The following NOVA1 variants were observed in gnomAD, a reference collection of about 807,000 sequenced individuals.
The protein encoded by NOVA1 is NOVA alternative splicing regulator 1.
Under a neutral mutation model 38.0 loss-of-function variants are expected in NOVA1, and 7 were observed. The observed-to-expected ratio is 0.18, with a 90% CI of 0.10 to 0.35. The LOEUF is 0.35. Ranked by LOEUF, NOVA1 falls within the 10% of genes least tolerant of loss-of-function variation. The pLI is 1.00. For missense variants in NOVA1, 460 were observed against 616.0 expected (o/e 0.75, Z 2.68); for synonymous variants, 270 against 232.5 (o/e 1.16, Z -1.47).
At chr14:26,502,253 A>G (rs532633912) in intron 2 of NOVA1, among the ~76,000 whole-genome samples, 1 of 151,962 alleles carries the variant, frequency 6.6e-6, no homozygotes, top group South Asian at 2.1e-4. Context: ...TCTGTCTTAG[A>G]ACATGAGCCT....
chr14:26,472,351 G>A lies in NOVA1; in HGVS notation c.488C>T (p.Ser163Phe). 1 of 1,583,514 alleles carries A rather than the reference G, an allele frequency of 6.3e-7. No homozygotes were observed. Among genetic ancestry groups the A allele is most frequent in the Non-Finnish European group, 8.6e-7 (1 of 1,162,098 alleles). ...AGCTCTGGAGGTGGTCATGGGATCA[G>A]ATGGAGAGGACTTGGTGGTAGTTGG... ...SSPTTTKSSP[S>F]DPMTTSRANQ... is the part of the protein sequence containing the mutation. Residue 163 changes from serine to phenylalanine, a missense_variant, in exon 4 of 5, where the codon TCT becomes TTT. Physicochemically the swap from Ser to Phe is radical, Grantham distance 155 (BLOSUM62 -2). Transcript: ENST00000539517.
intron 2 of NOVA1, among the ~76,000 whole-genome samples, chr14:26,494,509 G>A (rs1886606690): frequency 6.6e-6 from 1 of 152,222 alleles, no homozygotes; most frequent in Non-Finnish European, 1.5e-5. Context: ...CAAAATGACA[G>A]AGATACTGGT....
chr14:26,513,088 GA>G (rs1888213516), intron 2 of NOVA1, among the ~76,000 whole-genome samples: 1 of 151,888 alleles, frequency 6.6e-6, no homozygotes, highest in Non-Finnish European at 1.5e-5. Context: ...ACCATTAAAA[GA>G]CATTGGGAAA....
At chr14:26,509,778 T>G (rs1594432081) in intron 2 of NOVA1, among the ~76,000 whole-genome samples, 1 of 152,196 alleles carries the variant, frequency 6.6e-6, no homozygotes, top group East Asian at 1.9e-4. Flanking sequence ...CCTCCTGGGT[T>G]CAAGTGATTC....
intron 2 of NOVA1, among the ~76,000 whole-genome samples, chr14:26,495,635 A>G (rs1248537480): frequency 2.0e-5 from 3 of 147,960 alleles, no homozygotes; most frequent in African/African-American, 7.4e-5. Flanking sequence ...ACCCAATGCT[A>G]TCCCTACCCC....
chr14:26,469,603 C>T (rs141641639), intron 4 of NOVA1, among the ~76,000 whole-genome samples: 20 of 152,178 alleles, frequency 1.3e-4, no homozygotes, highest in Middle Eastern at 3.4e-3. Flanking sequence ...ATTTCACAGA[C>T]GGGAAAACTG....
chr14:26,500,813 T>G (rs995975478), intron 2 of NOVA1, among the ~76,000 whole-genome samples: 1 of 151,884 alleles, frequency 6.6e-6, no homozygotes, highest in African/African-American at 2.4e-5. Context: ...GTATTAAAGC[T>G]CCCAAATATT....
At chr14:26,587,221 C>T (rs1054682895) in intron 2 of NOVA1, among the ~76,000 whole-genome samples, 3 of 148,358 alleles carry the variant, frequency 2.0e-5, no homozygotes, top group Non-Finnish European at 4.5e-5. Flanking sequence ...TTCCACAACT[C>T]TATGATTTCT....
At chr14:26,532,934 T>C (rs1192376145) in intron 2 of NOVA1, among the ~76,000 whole-genome samples, 1 of 152,202 alleles carries the variant, frequency 6.6e-6, no homozygotes, top group Admixed American at 6.5e-5. Context: ...GGTTCAGAAA[T>C]CTTATTAGAA....
rs754813429 is a variant in NOVA1, at chr14:26,448,937, T to C, written c.546A>G (p.Thr182=). The C allele has an allele frequency of 1.9e-6, 3 of 1,613,364 alleles. No homozygotes were observed. The highest frequency in any genetic ancestry group is 2.5e-6 in the Non-Finnish European group (3 of 1,179,650). The change falls in exon 5 of 5, where the codon ACA becomes ACG. Residue 182 remains threonine, a synonymous_variant. Transcript: ENST00000539517. The surrounding 1 kb of genome is among the most constrained non-coding windows in gnomAD (Gnocchi z 5.3). ...CTCCCTTCCCTATTATCAGACCTGC[T>C]GTGCTGTTGGGAACTATAATCTTTA... The part of the protein sequence containing the change: ...NQVKIIVPNS[T]AGLIIGKGGA...
In NOVA1 at chr14:26,471,983, T is replaced by A. The variant is rs1009482226; in HGVS notation, c.519+337A>T. 4 of 359,736 alleles carry A rather than the reference T, an allele frequency of 1.1e-5. No individual in the cohort carries two copies. In the South Asian group the frequency reaches 5.3e-4, roughly 48 times the overall value. The allele number at this position is 359,736 out of a possible 1,614,324, so 22.3% of individuals were successfully genotyped here. On this transcript the variant is annotated intron_variant, in intron 4 of 4. Transcript: ENST00000539517. Reference sequence around the variant, plus strand: ...TTTTACATATATGATATCCTTAACTTACATATGAAAAATTCTAGGAAGATA... The same window carrying A: ...TTTTACATATATGATATCCTTAACTAACATATGAAAAATTCTAGGAAGATA...
intron 2 of NOVA1, among the ~76,000 whole-genome samples, chr14:26,565,803 A>G (rs1892099248): frequency 6.6e-6 from 1 of 152,184 alleles, no homozygotes; most frequent in South Asian, 2.1e-4. Context: ...ATCCTTGATT[A>G]GTGCTGAAAA....
intron 2 of NOVA1, among the ~76,000 whole-genome samples, chr14:26,518,747 C>T (rs185733313): frequency 3.5e-4 from 53 of 152,040 alleles, no homozygotes; most frequent in African/African-American, 1.2e-3. Flanking sequence ...GAACTTATTC[C>T]TCATTTTAGT....
At chr14:26,469,652 T>G (rs1344803742) in intron 4 of NOVA1, among the ~76,000 whole-genome samples, 1 of 152,170 alleles carries the variant, frequency 6.6e-6, no homozygotes, top group Non-Finnish European at 1.5e-5. Context: ...AGCAGTGGCA[T>G]GATCATGGCT....
At chr14:26,538,985 G>A (rs1029138879) in intron 2 of NOVA1, among the ~76,000 whole-genome samples, 5 of 151,980 alleles carry the variant, frequency 3.3e-5, no homozygotes, top group Admixed American at 6.6e-5. Flanking sequence ...TGTGACTTTC[G>A]TCGTCCTCAT....
intron 2 of NOVA1, among the ~76,000 whole-genome samples, chr14:26,480,929 T>C (rs1885407386): frequency 2.0e-5 from 3 of 152,096 alleles, no homozygotes; most frequent in African/African-American, 7.2e-5. Flanking sequence ...TTATTAATAG[T>C]ATTTATTTAA....
At chr14:26,489,445 G>C (rs59943176) in intron 2 of NOVA1, among the ~76,000 whole-genome samples, 34,607 of 151,714 alleles carry the variant, frequency 0.23, 4,426 homozygotes, top group East Asian at 0.33. Flanking sequence ...TAATATAGGA[G>C]AGTAGACTAT....
intron 2 of NOVA1, among the ~76,000 whole-genome samples, chr14:26,570,579 G>T (rs1326281564): frequency 1.3e-5 from 2 of 151,998 alleles, no homozygotes; most frequent in East Asian, 3.9e-4. Flanking sequence ...ATACATATGT[G>T]TATGTGTACT....
chr14:26,582,517 C>T (rs982327778), intron 2 of NOVA1, among the ~76,000 whole-genome samples: 2 of 151,776 alleles, frequency 1.3e-5, no homozygotes, highest in African/African-American at 4.8e-5. Flanking sequence ...TTTTCCTATG[C>T]ACTTTTTTCT....
Sources: allele counts gnomAD v4.1 joint callset (sites outside exome capture counted in the v4.1 genomes callset), GRCh38; gene constraint gnomAD v4.1.1; non-coding constraint Gnocchi (gnomAD v3.1); transcripts MANE v1.5; gene names NCBI Gene and HGNC (gene_info 2026-07-23, HGNC 2026-07-21).